Variants in KCNMA1 observed in about 807,000 individuals in gnomAD.
KCNMA1 encodes the protein potassium calcium-activated channel subfamily M alpha 1, also known as Calcium-activated potassium channel subunit alpha-1.
Under a neutral mutation model 140.0 loss-of-function variants are expected in KCNMA1, and 29 were observed. The ratio of observed to expected loss-of-function variants is 0.21; its 90% CI spans 0.15 to 0.28. The LOEUF (loss-of-function observed/expected upper bound fraction) is 0.28, where lower values mean the gene tolerates loss of function less well. Ranked by LOEUF, KCNMA1 falls within the 10% of genes least tolerant of loss-of-function variation. The probability of loss-of-function intolerance (pLI) is 1.00; values close to 1 mark genes in which losing one functional copy is unlikely to be tolerated. For synonymous variants in KCNMA1, 612 were observed against 611.9 expected (o/e 1.00, Z 0.00); for missense variants, 880 against 1,602.2 (o/e 0.55, Z 7.70).
At chr10:77,049,809 A>C (rs2095287496) in intron 14 of KCNMA1, among the ~76,000 whole-genome samples, 1 of 152,238 alleles carries the variant, frequency 6.6e-6, no homozygotes, top group Admixed American at 6.5e-5. Flanking sequence ...AGGATCTACC[A>C]GGGAGTATGT....
intron 2 of KCNMA1, among the ~76,000 whole-genome samples, chr10:77,340,670 T>C (rs1392756274): frequency 2.0e-5 from 3 of 150,438 alleles, no homozygotes; most frequent in African/African-American, 4.9e-5. Context: ...ATGAGAACAC[T>C]TGGACACAGG....
intron 1 of KCNMA1, among the ~76,000 whole-genome samples, chr10:77,440,653 T>C (rs1939878740): frequency 6.6e-6 from 1 of 152,156 alleles, no homozygotes; most frequent in Non-Finnish European, 1.5e-5. Flanking sequence ...AAAATTGCTC[T>C]AACGGTCCAG....
At chr10:77,335,924 C>T (rs1043285504) in intron 2 of KCNMA1, among the ~76,000 whole-genome samples, 35 of 152,242 alleles carry the variant, frequency 2.3e-4, no homozygotes, top group African/African-American at 8.2e-4. Context: ...ATCAACCTTG[C>T]CCTCCATTTC....
intron 1 of KCNMA1, among the ~76,000 whole-genome samples, chr10:77,488,069 A>G (rs1231721902): frequency 1.3e-5 from 2 of 152,192 alleles, no homozygotes; most frequent in African/African-American, 4.8e-5. Flanking sequence ...GCCTATTAAT[A>G]AGCACCCATG....
intron 5 of KCNMA1, among the ~76,000 whole-genome samples, chr10:77,127,816 T>C (rs1023252952): frequency 6.6e-6 from 1 of 151,802 alleles, no homozygotes; most frequent in Non-Finnish European, 1.5e-5. Context: ...CTACCAAAAA[T>C]ACAAAAAATT....
intron 19 of KCNMA1, among the ~76,000 whole-genome samples, chr10:76,990,797 T>A (rs2082532052): frequency 6.6e-6 from 1 of 152,182 alleles, no homozygotes; most frequent in African/African-American, 2.4e-5. Context: ...AATGGCCAGA[T>A]CAGCCTTGAC....
intron 15 of KCNMA1, among the ~76,000 whole-genome samples, chr10:77,037,666 G>A (rs1014359182): frequency 2.6e-5 from 4 of 152,232 alleles, no homozygotes; most frequent in African/African-American, 9.6e-5. Flanking sequence ...CAAGGAAGGG[G>A]GCTTGACGGA....
At chr10:77,591,628 G>T (rs2079188514) in intron 1 of KCNMA1, among the ~76,000 whole-genome samples, 1 of 152,154 alleles carries the variant, frequency 6.6e-6, no homozygotes, top group African/African-American at 2.4e-5. Context: ...GCTGTGGTTT[G>T]GGAGCCACTA....
At chr10:77,134,826 G>A (rs548349068) in intron 5 of KCNMA1, among the ~76,000 whole-genome samples, 3 of 151,342 alleles carry the variant, frequency 2.0e-5, no homozygotes, top group South Asian at 2.1e-4. Context: ...GTGAAACCCC[G>A]TCTCTACTAA....
chr10:77,232,989 T>C (rs934495602), intron 3 of KCNMA1, among the ~76,000 whole-genome samples: 2 of 151,624 alleles, frequency 1.3e-5, no homozygotes, highest in African/African-American at 4.9e-5. Context: ...CAGGCTCAAG[T>C]GATCCTCTCA....
intron 1 of KCNMA1, among the ~76,000 whole-genome samples, chr10:77,506,823 A>AG (rs2046277975): frequency 4.4e-4 from 39 of 89,022 alleles, no homozygotes; most frequent in Admixed American, 7.1e-4. Flanking sequence ...GAGAGAGAGA[A>AG]AGAGAGAGAG....
chr10:76,966,156 A>T (rs1454070721), intron 20 of KCNMA1, among the ~76,000 whole-genome samples: 1 of 152,234 alleles, frequency 6.6e-6, no homozygotes, highest in African/African-American at 2.4e-5. Context: ...CAACTTGCAC[A>T]CAGTAGGCTC....
chr10:77,602,348 A>G (rs1034801311), intron 1 of KCNMA1, among the ~76,000 whole-genome samples: 4 of 152,224 alleles, frequency 2.6e-5, no homozygotes, highest in Admixed American at 6.5e-5. Context: ...AATGGCCACA[A>G]GGGGCAAATC....
intron 1 of KCNMA1, among the ~76,000 whole-genome samples, chr10:77,463,207 G>A (rs973516740): frequency 1.3e-5 from 2 of 152,116 alleles, no homozygotes; most frequent in Non-Finnish European, 2.9e-5. Context: ...GGCTCAGAGA[G>A]AGCCTCCTGG....
At chr10:76,975,399 G>T (rs2116832) in intron 19 of KCNMA1, 84,636 of 152,044 alleles carry the variant, frequency 0.56, 23,952 homozygotes, top group African/African-American at 0.67. Context: ...CGAACCAGAC[G>T]GGTAAGAGGG....
chr10:77,105,225 G>A (rs1235342916), intron 9 of KCNMA1, among the ~76,000 whole-genome samples: 1 of 152,160 alleles, frequency 6.6e-6, no homozygotes, highest in East Asian at 1.9e-4. Context: ...GTTGGGTAAG[G>A]CACTCTAGGC....
chr10:77,176,617 G>C (rs188305347), intron 5 of KCNMA1, among the ~76,000 whole-genome samples: 342 of 152,218 alleles, frequency 2.2e-3, no homozygotes, highest in Non-Finnish European at 4.0e-3. Context: ...GACTCCAAAA[G>C]GCTCTGCAGA....
At position 77,203,086 on chromosome 10, in the gene KCNMA1, TAAG is replaced by T. The variant is rs1316938284; in HGVS notation, c.603-18173_603-18171del. Among the ~76,000 whole-genome samples, 10 of 152,360 alleles carry T rather than the reference TAAG, an allele frequency of 6.6e-5. No homozygotes were observed. The East Asian group carries it at 1.7e-3, about 26-fold the overall frequency. ...ATTACCTGCAAGTGGCTTGGGCTTTTAAGAAGTCTGGAAGTACCATCTTTTTCT... is the reference window on the plus strand; with the variant it reads ...ATTACCTGCAAGTGGCTTGGGCTTTTAAGTCTGGAAGTACCATCTTTTTCT... On this transcript the variant is annotated intron_variant, in intron 3 of 27. Coordinates refer to ENST00000286628, the MANE Select transcript of KCNMA1 (RefSeq NM_001161352.2).
At chr10:76,891,422 G>T (rs1340258146) in intron 26 of KCNMA1, 103 bp downstream of exon 26, 9 of 847,712 alleles carry the variant, frequency 1.1e-5, no homozygotes, top group Middle Eastern at 3.2e-4. Context: ...CAATAGGAAG[G>T]AGAAAAGCCA....
Sources: allele counts gnomAD v4.1 joint callset (sites outside exome capture counted in the v4.1 genomes callset), GRCh38; gene constraint gnomAD v4.1.1; transcripts MANE v1.5; gene names NCBI Gene and HGNC (gene_info 2026-07-23, HGNC 2026-07-21).